Variants in LAMA1 observed in about 807,000 individuals in gnomAD.
LAMA1 encodes laminin subunit alpha 1, also known as laminin subunit alpha-1.
Under a neutral mutation model 348.7 loss-of-function variants are expected in LAMA1, and 219 were observed. The observed-to-expected ratio is 0.63, with a 90% CI of 0.56 to 0.70. LAMA1 has a LOEUF of 0.70. LAMA1 is among the 30% of genes least tolerant of loss of function. The pLI, the probability that LAMA1 is intolerant of heterozygous loss-of-function variation, is 0.00. For missense variants in LAMA1, 3,744 were observed against 3,888.0 expected, an observed-to-expected ratio of 0.96 and a Z score of 0.99; for synonymous variants, 1,487 against 1,491.0, an observed-to-expected ratio of 1.00 and a Z score of 0.06.
At chr18:6,973,495 A>T (rs915896936) in intron 46 of LAMA1, among the ~76,000 whole-genome samples, 4 of 152,204 alleles carry the variant, frequency 2.6e-5, no homozygotes, top group Non-Finnish European at 4.4e-5. Context: ...TTTGTAAATT[A>T]AAAAAATCCC....
chr18:7,048,318 A>G (rs368255634), intron 5 of LAMA1, among the ~76,000 whole-genome samples: 1 of 152,352 alleles, frequency 6.6e-6, no homozygotes, highest in Non-Finnish European at 1.5e-5. Context: ...AACAGCGGGC[A>G]TAAAAATGAC....
intron 1 of LAMA1, 35 bp downstream of exon 1, chr18:7,117,625 G>T: frequency 6.3e-7 from 1 of 1,589,342 alleles, no homozygotes; most frequent in Non-Finnish European, 8.5e-7. Flanking sequence ...CCCGCCTGCG[G>T]GGGACAGGGA....
At chr18:7,050,521 G>A (rs975866677) in intron 4 of LAMA1, among the ~76,000 whole-genome samples, 173 bp downstream of exon 4, 1 of 152,110 alleles carries the variant, frequency 6.6e-6, no homozygotes, top group Non-Finnish European at 1.5e-5. Context: ...AAGTCAACAA[G>A]GTAAACCATA....
At chr18:7,084,343 T>G (rs2143790066) in intron 1 of LAMA1, among the ~76,000 whole-genome samples, 1 of 152,152 alleles carries the variant, frequency 6.6e-6, no homozygotes, top group East Asian at 1.9e-4. Flanking sequence ...AGCATTAGGA[T>G]CAGGACAGTA....
chr18:7,112,479 T>C (rs7230813), intron 1 of LAMA1, among the ~76,000 whole-genome samples: 17,067 of 151,914 alleles, frequency 0.11, 2,473 homozygotes, highest in African/African-American at 0.34. Flanking sequence ...TAGACGCTTA[T>C]CCAAAAAATT....
chr18:6,995,505 A>T (rs1019449689), intron 33 of LAMA1, 59 bp from the exon 34 acceptor site: 6 of 890,416 alleles, frequency 6.7e-6, no homozygotes, highest in Non-Finnish European at 1.2e-5. Flanking sequence ...CTGATTCTTA[A>T]CTAAGAAGCA....
At position 6,949,152 on chromosome 18, in the gene LAMA1, C is replaced by T. The variant is rs1262075107; in HGVS notation, c.8505G>A (p.Leu2835=). ...GGGAGGGCAGGCCTCCTAGGTAGAA[C>T]AAACCCTCCACATCCAGCATGGTTC... ...GDGTMLDVEG[L]FYLGGLPSQY... Residue 2835 remains leucine (L), a synonymous_variant, in exon 59 of 63, where the codon TTG becomes TTA. Transcript: ENST00000389658. 3.7e-6 allele frequency: 6 copies of T among 1,614,038 alleles called. No individual in the cohort carries two copies. In the Admixed American group the frequency reaches 6.7e-5, roughly 18 times the overall value.
At chr18:7,040,805 T>C (rs2144181513) in intron 9 of LAMA1, among the ~76,000 whole-genome samples, 1 of 152,182 alleles carries the variant, frequency 6.6e-6, no homozygotes, top group East Asian at 1.9e-4. Flanking sequence ...GAAATATTAT[T>C]TGGTAATAAA....
intron 3 of LAMA1, among the ~76,000 whole-genome samples, chr18:7,051,913 T>C (rs770180395): frequency 5.9e-5 from 9 of 152,254 alleles, no homozygotes; most frequent in Non-Finnish European, 1.2e-4. Context: ...GTAATAAAAA[T>C]GCTCACCATA....
intron 1 of LAMA1, among the ~76,000 whole-genome samples, chr18:7,107,121 CTTTT>C (rs34984235): frequency 7.3e-6 from 1 of 137,102 alleles, no homozygotes. Context: ...GAGAAAACTC[CTTTT>C]TTTTTTTTTT....
chr18:7,027,680 C>T (rs930602811), intron 16 of LAMA1, among the ~76,000 whole-genome samples: 10 of 152,122 alleles, frequency 6.6e-5, no homozygotes, highest in Admixed American at 3.9e-4. Context: ...CGGTGGTTCA[C>T]GCCTGTAATC....
intron 28 of LAMA1, among the ~76,000 whole-genome samples, chr18:7,007,768 A>G (rs1600389227): frequency 1.3e-5 from 2 of 152,294 alleles, no homozygotes; most frequent in East Asian, 3.9e-4. Flanking sequence ...AATAAGCAAA[A>G]TGTGGCATGT....
intron 1 of LAMA1, among the ~76,000 whole-genome samples, chr18:7,101,643 C>T (rs2058291578): frequency 6.6e-6 from 1 of 152,086 alleles, no homozygotes; most frequent in South Asian, 2.1e-4. Context: ...TTCCATTATC[C>T]ACCAAAAAGT....
At chr18:6,950,485 G>T (rs1344241596) in intron 58 of LAMA1, among the ~76,000 whole-genome samples, 1 of 152,182 alleles carries the variant, frequency 6.6e-6, no homozygotes, top group Non-Finnish European at 1.5e-5. Context: ...GCCATGAGGG[G>T]AGGCTAGGCT....
At chr18:7,073,282 G>A (rs943119927) in intron 3 of LAMA1, among the ~76,000 whole-genome samples, 1 of 152,068 alleles carries the variant, frequency 6.6e-6, no homozygotes, top group Non-Finnish European at 1.5e-5. Flanking sequence ...TAAAAACCAC[G>A]ACTTTAGCCA....
In LAMA1 at chr18:6,952,023, T is replaced by C. The variant is rs554506576; in HGVS notation, c.8208-1052A>G. Among the ~76,000 whole-genome samples, 3 of 152,210 alleles carry C rather than the reference T, an allele frequency of 2.0e-5. No homozygotes were observed. In the South Asian group the frequency reaches 6.2e-4, roughly 32 times the overall value. On this transcript the variant is annotated intron_variant, in intron 57 of 62. Coordinates refer to ENST00000389658, the MANE Select transcript of LAMA1 (RefSeq NM_005559.4). Reference sequence around the variant, plus strand: ...GCTGAGGAACCTGTCCCAGTCCACATGCAGATCTCGAGTGGCTGGTGGGCC... The same window carrying C: ...GCTGAGGAACCTGTCCCAGTCCACACGCAGATCTCGAGTGGCTGGTGGGCC...
intron 1 of LAMA1, among the ~76,000 whole-genome samples, chr18:7,085,650 C>T (rs1282867562): frequency 6.6e-6 from 1 of 152,082 alleles, no homozygotes; most frequent in Non-Finnish European, 1.5e-5. Flanking sequence ...GATCTCCTGA[C>T]TTCCTGATCC....
At chr18:7,062,923 A>T (rs2058108342) in intron 3 of LAMA1, among the ~76,000 whole-genome samples, 2 of 152,162 alleles carry the variant, frequency 1.3e-5, no homozygotes, top group Non-Finnish European at 2.9e-5. Context: ...CCTTCTTCGC[A>T]TGCCTTATTA....
Position 6,959,454 on chromosome 18 carries a change from C to T in LAMA1, c.7665G>A (p.Glu2555=). The change falls in exon 54 of 63, where the codon GAG becomes GAA. Residue 2555 remains glutamate, a synonymous_variant. Transcript: ENST00000389658. ...FSVMLIGGNI[E]VHVNPGDGTG... is the part of the protein sequence containing the mutation. Reference sequence around the variant, plus strand: ...TCCCATCCCCAGGATTGACATGTACCTCAATGTTGCCTCCGATCAGCATGA... The same window carrying T: ...TCCCATCCCCAGGATTGACATGTACTTCAATGTTGCCTCCGATCAGCATGA... 3 of 1,614,166 alleles carry T rather than the reference C, an allele frequency of 1.9e-6. No homozygotes were observed. Among genetic ancestry groups the T allele is most frequent in the Non-Finnish European group, 2.5e-6 (3 of 1,180,036 alleles).
Sources: allele counts gnomAD v4.1 joint callset (sites outside exome capture counted in the v4.1 genomes callset), GRCh38; gene constraint gnomAD v4.1.1; transcripts MANE v1.5; gene names NCBI Gene and HGNC (gene_info 2026-07-23, HGNC 2026-07-21).